PHC1: variants seen among roughly 807,000 people sequenced by gnomAD.
PHC1 encodes polyhomeotic-like protein 1.
In PHC1, 12 loss-of-function variants were observed where a neutral mutation model predicts 104.3. The ratio of observed to expected loss-of-function variants is 0.12; its 90% confidence interval spans 0.07 to 0.19. The LOEUF (loss-of-function observed/expected upper bound fraction) is 0.19. Ranked by LOEUF, PHC1 falls within the 10% of genes least tolerant of loss-of-function variation. The probability of loss-of-function intolerance (pLI) is 1.00; values close to 1 mark genes in which losing one functional copy is unlikely to be tolerated. For missense variants in PHC1, 671 were observed against 1,200.0 expected, an observed-to-expected ratio of 0.56 and a Z score of 6.51; for synonymous variants, 302 against 455.8, an observed-to-expected ratio of 0.66 and a Z score of 4.30.
chr12:8,936,957 G>A lies in PHC1; in HGVS notation c.2470G>A (p.Ala824Thr), dbSNP rs147628318. Residue 824 changes from alanine (A) to threonine (T), a missense_variant, in exon 12 of 15, where the codon GCT (alanine) becomes ACT (threonine). By Grantham distance (58) the Ala-to-Thr change is moderately conservative. Transcript: ENST00000544916. ...GSKRFCSMTC[A>T]KRYNVSCSHQ... ...TAAGAGGTTCTGCTCCATGACTTGC[G>A]CTAAGAGGTACTCTGGGCACCCTCC... is the stretch of plus-strand genomic sequence containing the variant. 5 of 1,606,726 alleles carry A rather than the reference G, an allele frequency of 3.1e-6. No homozygotes were observed. The highest frequency in any genetic ancestry group is 4.3e-6 in the Non-Finnish European group (5 of 1,173,706).
intron 3 of PHC1, among the ~76,000 whole-genome samples, chr12:8,920,338 A>C (rs779161608): frequency 2.2e-4 from 33 of 152,314 alleles, no homozygotes; most frequent in African/African-American, 7.5e-4. Context: ...GAAAATTATA[A>C]ATGTGGTTCA....
Position 8,930,742 on chromosome 12 carries a change from A to G in PHC1, c.920A>G (p.Lys307Arg), listed in dbSNP as rs758306848. ...ATGGGTGGTGGGAGCTGTCCCAGAA[A>G]GGGTACAGGAGTGGTGCAGCCCTTG... Reference protein sequence around the residue: ...SGMGGGSCPRKGTGVVQPLPA... With the variant: ...SGMGGGSCPRRGTGVVQPLPA... The change falls in exon 7 of 15, where the codon AAG becomes AGG. Residue 307 changes from lysine to arginine, a missense_variant. Lys to Arg is a conservative substitution (Grantham distance 26). Around this residue, in one of 9 missense-constraint regions of PHC1, gnomAD observed 78 missense variants for 140.8 expected, o/e 0.55. Transcript: ENST00000544916. 3.2e-6 allele frequency: 4 copies of G among 1,260,396 alleles called. No individual in the cohort carries two copies. Among genetic ancestry groups the G allele is most frequent in the Non-Finnish European group, 4.4e-6 (4 of 902,512 alleles). 78.1% of individuals were successfully genotyped at this position (1,260,396 alleles called of 1,614,324 possible).
chr12:8,923,475 C>T (rs1000416449), intron 6 of PHC1, among the ~76,000 whole-genome samples: 8 of 152,126 alleles, frequency 5.3e-5, no homozygotes, highest in African/African-American at 1.9e-4. Flanking sequence ...GGGTTTCATA[C>T]CTGTAGGTTC....
rs1231602304 is a variant in PHC1 at position 8,939,392 on chromosome 12, C to T, written c.2948C>T (p.Ala983Val). ...CTTAAAGAAGAACATCTTATGAGTGCCATGAACATCAAGCTGGGCCCTGCC... is the reference window on the plus strand; with the variant it reads ...CTTAAAGAAGAACATCTTATGAGTGTCATGAACATCAAGCTGGGCCCTGCC... The part of the protein sequence containing the change: ...LLLKEEHLMS[A>V]MNIKLGPALK... Residue 983 changes from alanine (A) to valine (V), a missense_variant, in exon 15 of 15, where the codon GCC (alanine) becomes GTC (valine). Transcript: ENST00000544916. The T allele has an allele frequency of 6.2e-7, 1 of 1,602,276 alleles. No individual in the cohort carries two copies. Among genetic ancestry groups the T allele is most frequent in the African/African-American group, 1.3e-5 (1 of 74,192 alleles).
chr12:8,921,163 C>A, intron 4 of PHC1, 98 bp downstream of exon 4: 4 of 853,004 alleles, frequency 4.7e-6, no homozygotes, highest in South Asian at 1.7e-5. Flanking sequence ...TTTATTGAGC[C>A]GTCAGTGGAT....
chr12:8,939,051 C>T (rs1388846823), intron 14 of PHC1, among the ~76,000 whole-genome samples: 1 of 152,230 alleles, frequency 6.6e-6, no homozygotes, highest in Non-Finnish European at 1.5e-5. Context: ...GTCTTGAACT[C>T]CTGAGCTCAA....
At chr12:8,936,792 C>T in intron 11 of PHC1, 64 bp from the exon 12 acceptor site, 1 of 1,005,812 alleles carries the variant, frequency 9.9e-7, no homozygotes. Context: ...AGCTCTGAGC[C>T]TAATGATTGC....
chr12:8,934,494 T>G lies in PHC1; in HGVS notation c.2253+16T>G. On this transcript the variant is annotated intron_variant, in intron 10 of 14. Transcript: ENST00000544916. ...ACCTTTCCCGGTGAGGGCAGGGCCA[T>G]AAGGTGGGACTTTGAAGTGGGGACT... 1 of 1,598,894 alleles carries G rather than the reference T, an allele frequency of 6.3e-7. No homozygotes were observed. Among genetic ancestry groups the G allele is most frequent in the Non-Finnish European group, 8.5e-7 (1 of 1,170,312 alleles).
chr12:8,924,080 C>T (rs1383118596), intron 6 of PHC1, among the ~76,000 whole-genome samples: 2 of 152,080 alleles, frequency 1.3e-5, no homozygotes, highest in Admixed American at 1.3e-4. Flanking sequence ...GTCCATGAGC[C>T]TGGAACTAAT....
intron 2 of PHC1, among the ~76,000 whole-genome samples, chr12:8,918,625 G>T (rs1945268530): frequency 6.6e-6 from 1 of 151,994 alleles, no homozygotes; most frequent in Admixed American, 6.6e-5. Flanking sequence ...ACTCCACCAT[G>T]CCCAGCTTTT....
chr12:8,922,994 G>GA (rs1945409393), intron 6 of PHC1, among the ~76,000 whole-genome samples: 1 of 152,190 alleles, frequency 6.6e-6, no homozygotes, highest in Non-Finnish European at 1.5e-5. Context: ...AGATTTGCCT[G>GA]AAAATAGTCT....
intron 6 of PHC1, among the ~76,000 whole-genome samples, chr12:8,929,264 G>A (rs1438428004): frequency 2.0e-5 from 3 of 152,012 alleles, no homozygotes; most frequent in Non-Finnish European, 2.9e-5. Flanking sequence ...ACTATGTGCC[G>A]GAACTGTGAA....
At chr12:8,922,813 G>A (rs1383351998) in intron 6 of PHC1, 25 bp downstream of exon 6, 1 of 1,607,808 alleles carries the variant, frequency 6.2e-7, no homozygotes, top group Non-Finnish European at 8.5e-7. Flanking sequence ...CTTTACCTGT[G>A]GGTGGGCACT....
intron 6 of PHC1, among the ~76,000 whole-genome samples, chr12:8,927,901 C>T (rs866708299): frequency 1.2e-4 from 13 of 108,040 alleles, no homozygotes; most frequent in African/African-American, 5.5e-4. Context: ...TTCTTTCTTT[C>T]TTTCTTTCTT....
intron 8 of PHC1, 75 bp from the exon 9 acceptor site, chr12:8,933,790 A>T (rs1192506490): frequency 1.6e-6 from 2 of 1,281,362 alleles, no homozygotes; most frequent in Non-Finnish European, 2.2e-6. Flanking sequence ...TTCTTTGAAC[A>T]TATGGTAATA....
intron 1 of PHC1, among the ~76,000 whole-genome samples, chr12:8,917,399 G>A (rs779543199): frequency 1.3e-5 from 2 of 152,308 alleles, no homozygotes; most frequent in South Asian, 2.1e-4. Flanking sequence ...GAGGGAATAC[G>A]TAAAGGTTGT....
intron 6 of PHC1, among the ~76,000 whole-genome samples, chr12:8,926,710 G>A (rs939050708): frequency 6.6e-6 from 1 of 152,088 alleles, no homozygotes; most frequent in Non-Finnish European, 1.5e-5. Flanking sequence ...AGGAGTTCGA[G>A]ACCATCCAGC....
intron 14 of PHC1, among the ~76,000 whole-genome samples, chr12:8,938,634 T>C (rs1945914189): frequency 6.6e-6 from 1 of 152,066 alleles, no homozygotes; most frequent in Non-Finnish European, 1.5e-5. Context: ...CACCCTACCC[T>C]TCTTGCTATT....
chr12:8,926,456 A>C (rs1463674157), intron 6 of PHC1, among the ~76,000 whole-genome samples: 3 of 151,554 alleles, frequency 2.0e-5, no homozygotes, highest in African/African-American at 7.3e-5. Flanking sequence ...GTCTCTACTA[A>C]ACATACAAAA....
Sources: gnomAD v4.1 joint callset for allele counts (sites outside exome capture counted in the v4.1 genomes callset) on GRCh38, gnomAD v4.1.1 for gene constraint, gnomAD v4.1.1 regional missense constraint, MANE v1.5 for transcripts, NCBI Gene and HGNC (gene_info 2026-07-23, HGNC 2026-07-21) for gene names.